MID1: variants seen among roughly 807,000 people sequenced by gnomAD.
The protein encoded by MID1 is midline 1.
In MID1, 7 loss-of-function variants were observed where a neutral mutation model predicts 40.4. The ratio of observed to expected loss-of-function variants is 0.17; its 90% CI spans 0.10 to 0.33. The LOEUF (loss-of-function observed/expected upper bound fraction) is 0.33, where lower values mean the gene tolerates loss of function less well. Ranked by LOEUF, MID1 falls within the 10% of genes least tolerant of loss-of-function variation. MID1 has a pLI of 1.00. For missense variants in MID1, 367 were observed against 558.5 expected (o/e 0.66, Z 3.46); for synonymous variants, 229 against 221.2 (o/e 1.04, Z -0.31).
chrX:10,663,076 G>A lies in MID1; in HGVS notation c.-186-42657C>T, dbSNP rs140345302. On this transcript the variant is annotated intron_variant, in intron 1 of 10. Coordinates refer to the MID1 transcript ENST00000380785. Reference sequence around the variant, plus strand: ...CATTTTGTGAGTGACCTAGGAACACGGCTCTGTATCATAACCCCTTTCTCT... The same window carrying A: ...CATTTTGTGAGTGACCTAGGAACACAGCTCTGTATCATAACCCCTTTCTCT... Among the ~76,000 whole-genome samples, 227 of 111,624 alleles carry A rather than the reference G, an allele frequency of 2.0e-3. 6 individuals are homozygous for A. Among genetic ancestry groups the A allele is most frequent in the Non-Finnish European group, 1.1e-3 (57 of 53,080 alleles).
chrX:10,821,658 C>A, intron 1 of MID1, among the ~76,000 whole-genome samples: 1 of 112,448 alleles, frequency 8.9e-6, no homozygotes, highest in Non-Finnish European at 1.9e-5. Context: ...AAACACAATG[C>A]CCGTGTTTGT....
At chrX:10,562,210 G>T (rs1363853084) in intron 2 of MID1, among the ~76,000 whole-genome samples, 1 of 103,658 alleles carries the variant, frequency 9.6e-6, no homozygotes, top group African/African-American at 3.9e-5. Context: ...TCACACACTG[G>T]GGCCTGTCAG....
chrX:10,794,927 G>A (rs2043958164), intron 1 of MID1, among the ~76,000 whole-genome samples: 1 of 111,491 alleles, frequency 9.0e-6, no homozygotes, highest in African/African-American at 3.3e-5. Flanking sequence ...CATATACTGA[G>A]CCAATGAAAA....
intron 2 of MID1, among the ~76,000 whole-genome samples, chrX:10,562,995 T>G (rs755272238): frequency 9.2e-6 from 1 of 109,188 alleles, no homozygotes; most frequent in East Asian, 2.8e-4. Flanking sequence ...AAGAAACAAG[T>G]TATAGAAATT....
intron 1 of MID1, among the ~76,000 whole-genome samples, chrX:10,738,365 A>G (rs2043500700): frequency 9.0e-6 from 1 of 111,210 alleles, no homozygotes; most frequent in Admixed American, 9.5e-5. Context: ...TCCTAAGGTC[A>G]CAGTCACACC....
At chrX:10,804,117 C>T (rs2044028001) in intron 1 of MID1, among the ~76,000 whole-genome samples, 1 of 111,824 alleles carries the variant, frequency 8.9e-6, no homozygotes, top group Non-Finnish European at 1.9e-5. Flanking sequence ...AATAGCATTT[C>T]CTTTTGATTC....
At chrX:10,515,721 C>A (rs945520808) in intron 3 of MID1, among the ~76,000 whole-genome samples, 1 of 111,775 alleles carries the variant, frequency 8.9e-6, no homozygotes, top group African/African-American at 3.3e-5. Flanking sequence ...TGGCAATTGG[C>A]CACCCTTTCC....
intron 1 of MID1, among the ~76,000 whole-genome samples, chrX:10,682,980 G>T (rs1206516522): frequency 9.0e-6 from 1 of 111,355 alleles, no homozygotes; most frequent in African/African-American, 3.3e-5. Context: ...AGAGTCATTT[G>T]TGTGAAACTA....
chrX:10,740,715 G>A (rs930204483), intron 1 of MID1, among the ~76,000 whole-genome samples: 6 of 110,748 alleles, frequency 5.4e-5, no homozygotes, highest in African/African-American at 2.0e-4. Flanking sequence ...TATATATAAA[G>A]TTCTTATTAT....
chrX:10,592,034 CTG>C (rs1034777398), intron 1 of MID1, among the ~76,000 whole-genome samples: 10 of 110,365 alleles, frequency 9.1e-5, no homozygotes, highest in African/African-American at 3.3e-4. Context: ...TCTTTCATAA[CTG>C]AGACTTGGGA....
At chrX:10,475,078 C>T (rs1025611064) in intron 5 of MID1, 5 of 345,665 alleles carry the variant, frequency 1.4e-5, no homozygotes, top group Admixed American at 1.2e-4. Flanking sequence ...TCACGTCTAA[C>T]CCCAGCAAGA....
At chrX:10,555,630 C>A (rs750841766) in intron 2 of MID1, among the ~76,000 whole-genome samples, 7 of 105,978 alleles carry the variant, frequency 6.6e-5, no homozygotes, top group African/African-American at 2.4e-4. Context: ...TTTTTTCTTT[C>A]TTTTTTTTTT....
intron 1 of MID1, among the ~76,000 whole-genome samples, chrX:10,817,741 G>A (rs1430387039): frequency 3.8e-5 from 4 of 105,995 alleles, no homozygotes; most frequent in Admixed American, 2.0e-4. Context: ...TGCTTCAGCC[G>A]CCTGAGTAGC....
intron 1 of MID1, among the ~76,000 whole-genome samples, chrX:10,727,175 C>G (rs2043398705): frequency 8.9e-6 from 1 of 112,262 alleles, no homozygotes; most frequent in African/African-American, 3.2e-5. Flanking sequence ...AGTGCAATGG[C>G]ACAATCTCAG....
At chrX:10,618,069 CAATTTCTGGCTACCCAG>C (rs779168375) in intron 1 of MID1, among the ~76,000 whole-genome samples, 2,492 of 112,109 alleles carry the variant, frequency 0.022, 23 homozygotes, top group Non-Finnish European at 0.033. Context: ...ATTCTGCGGG[CAATTTCTGGCTACCCAG>C]AATTTCTGGC....
intron 2 of MID1, among the ~76,000 whole-genome samples, chrX:10,542,230 C>A (rs1349587030): frequency 9.0e-6 from 1 of 111,302 alleles, no homozygotes; most frequent in African/African-American, 3.3e-5. Flanking sequence ...TGGGATGAAT[C>A]CAACTTGACC....
chrX:10,702,095 A>G (rs1285087004), intron 1 of MID1, among the ~76,000 whole-genome samples: 2 of 112,933 alleles, frequency 1.8e-5, no homozygotes, highest in East Asian at 2.7e-4. Context: ...GAATATTTCT[A>G]TCTTAAGGAA....
upstream of MID1, among the ~76,000 whole-genome samples, chrX:10,624,669 G>T (rs978356630): frequency 8.9e-6 from 1 of 111,748 alleles, no homozygotes; most frequent in Non-Finnish European, 1.9e-5. Flanking sequence ...GGAGTGCAGT[G>T]GCATAATCTC....
chrX:10,745,640 A>T (rs745766406), intron 1 of MID1, among the ~76,000 whole-genome samples: 1 of 112,802 alleles, frequency 8.9e-6, no homozygotes, highest in East Asian at 2.8e-4. Flanking sequence ...TGCCACTTGT[A>T]AGTTAAAGGC....
Sources: gnomAD v4.1 joint callset for allele counts (sites outside exome capture counted in the v4.1 genomes callset) on GRCh38, gnomAD v4.1.1 for gene constraint, MANE v1.5 for transcripts, NCBI Gene and HGNC (gene_info 2026-07-23, HGNC 2026-07-21) for gene names.